The following AGAP1 variants were observed in gnomAD, a reference collection of about 807,000 sequenced individuals.
The protein encoded by AGAP1 is ArfGAP with GTPase domain, ankyrin repeat and PH domain 1, also known as arf-GAP with GTPase, ANK repeat and PH domain-containing protein 1.
AGAP1 carries 29 observed loss-of-function variants against 105.3 expected under a neutral mutation model. That is an observed-to-expected ratio of 0.28 (90% CI 0.21 to 0.38). The LOEUF (loss-of-function observed/expected upper bound fraction) is 0.38, where lower values mean the gene tolerates loss of function less well. AGAP1 is among the 10% of genes least tolerant of loss of function. The pLI, the probability that AGAP1 is intolerant of heterozygous loss-of-function variation, is 1.00. For missense variants in AGAP1, 998 were observed against 1,165.1 expected, an observed-to-expected ratio of 0.86 and a Z score of 2.09; for synonymous variants, 509 against 485.9, an observed-to-expected ratio of 1.05 and a Z score of -0.63.
At chr2:236,052,268 C>G (rs761061109) in intron 16 of AGAP1, among the ~76,000 whole-genome samples, 28 of 152,198 alleles carry the variant, frequency 1.8e-4, no homozygotes, top group South Asian at 1.5e-3. Context: ...GCAGAAGATT[C>G]ATTCTGACAG....
At chr2:236,086,382 G>T (rs1289588834) in intron 16 of AGAP1, among the ~76,000 whole-genome samples, 1 of 152,152 alleles carries the variant, frequency 6.6e-6, no homozygotes, top group African/African-American at 2.4e-5. Context: ...TCACCTTACT[G>T]CTCAAGTGTA....
At chr2:235,948,025 C>T (rs1302086016) in intron 12 of AGAP1, among the ~76,000 whole-genome samples, 5 of 152,224 alleles carry the variant, frequency 3.3e-5, no homozygotes, top group African/African-American at 1.2e-4. Context: ...CCCTGTGTGC[C>T]CACCTGAATG....
chr2:236,024,031 TTTG>T (rs1283210025), intron 13 of AGAP1, among the ~76,000 whole-genome samples: 8 of 115,332 alleles, frequency 6.9e-5, no homozygotes, highest in South Asian at 8.3e-4. Context: ...GTTTTTTTTT[TTTG>T]TTTTTTTTTT....
intron 1 of AGAP1, among the ~76,000 whole-genome samples, chr2:235,564,631 GGGCCAGGTGTGAGCCTGGACCAC>G (rs1944281176): frequency 9.5e-6 from 1 of 105,258 alleles, no homozygotes; most frequent in Non-Finnish European, 1.9e-5. Flanking sequence ...CCACCACCCA[GGGCCAGGTGTGAGCCTGGACCAC>G]CACCCAGGGC....
At chr2:235,870,530 G>A (rs1391484528) in intron 9 of AGAP1, among the ~76,000 whole-genome samples, 1 of 152,128 alleles carries the variant, frequency 6.6e-6, no homozygotes, top group African/African-American at 2.4e-5. Flanking sequence ...GGAGGCTGAG[G>A]CAGGAGAATC....
At chr2:235,826,332 T>TGA (rs1374801571) in intron 9 of AGAP1, among the ~76,000 whole-genome samples, 1 of 152,260 alleles carries the variant, frequency 6.6e-6, no homozygotes, top group African/African-American at 2.4e-5. Context: ...ATACAGGGCC[T>TGA]GAGCAGGGAT....
At chr2:236,117,888 A>G (rs955054291) in intron 16 of AGAP1, among the ~76,000 whole-genome samples, 25 of 151,884 alleles carry the variant, frequency 1.6e-4, no homozygotes, top group African/African-American at 6.1e-4. Flanking sequence ...TTTTTGCCCG[A>G]GTGGGGTGCA....
intron 9 of AGAP1, among the ~76,000 whole-genome samples, chr2:235,850,393 C>T (rs973660136): frequency 2.6e-5 from 4 of 152,244 alleles, no homozygotes; most frequent in African/African-American, 9.6e-5. Flanking sequence ...GGAGCCATCT[C>T]CCCTGGGGCA....
chr2:235,960,635 G>A lies in AGAP1; in HGVS notation c.1484-7827G>A, dbSNP rs1287467685. The stretch of plus-strand genomic sequence containing the variant: ...TCTTTGTTCAGGTAGCAGGGCCCAA[G>A]AAAAATCGTCTTTTATGGAAGGCAT... On this transcript the variant is annotated intron_variant, in intron 12 of 17. Coordinates refer to ENST00000304032, the MANE Select transcript of AGAP1 (RefSeq NM_001037131.3). The surrounding 1 kb of genome is among the most constrained non-coding windows in gnomAD (Gnocchi z 4.9). Among the ~76,000 whole-genome samples the A allele has an allele frequency of 6.6e-6, 1 of 152,156 alleles. No individual in the cohort carries two copies. The highest frequency in any genetic ancestry group is 1.5e-5 in the Non-Finnish European group (1 of 68,010).
chr2:235,715,457 C>G (rs1411580582), intron 2 of AGAP1, among the ~76,000 whole-genome samples: 1 of 152,076 alleles, frequency 6.6e-6, no homozygotes, highest in Admixed American at 6.5e-5. Flanking sequence ...TGAAGCCCTC[C>G]TCAGGTGAAA....
At position 236,038,750 on chromosome 2, in the gene AGAP1, C is replaced by T. The variant is rs966236355; in HGVS notation, c.1801-2001C>T. 6.6e-6 allele frequency among the ~76,000 whole-genome samples: 1 copy of T among 152,068 alleles called. No individual in the cohort carries two copies. Among genetic ancestry groups the T allele is most frequent in the African/African-American group, 2.4e-5 (1 of 41,400 alleles). On this transcript the variant is annotated intron_variant, in intron 14 of 17. Transcript: ENST00000304032. The surrounding 1 kb of genome is among the most constrained non-coding windows in gnomAD (Gnocchi z 4.5). ...TGATACAGGTATAGGCATAGCTAGA[C>T]AGACAGACAAACCAACCAACCACAG...
intron 1 of AGAP1, among the ~76,000 whole-genome samples, chr2:235,543,639 A>C (rs1943527287): frequency 6.6e-6 from 1 of 152,012 alleles, no homozygotes; most frequent in South Asian, 2.1e-4. Flanking sequence ...TGCTTGGGAG[A>C]GCAGTGAGGG....
intron 9 of AGAP1, among the ~76,000 whole-genome samples, chr2:235,815,223 G>GCC (rs1958384524): frequency 6.6e-6 from 1 of 152,134 alleles, no homozygotes; most frequent in African/African-American, 2.4e-5. Context: ...CAGCCTGGGC[G>GCC]GCTTAAACAG....
intron 13 of AGAP1, among the ~76,000 whole-genome samples, chr2:235,978,597 TG>T (rs1377988668): frequency 6.6e-6 from 1 of 152,238 alleles, no homozygotes; most frequent in African/African-American, 2.4e-5. Flanking sequence ...GGCCAGTAGA[TG>T]AGTGGCCTCT....
rs1398136261 is a variant in AGAP1 at position 236,128,276 on chromosome 2, C to G, written c.*4154C>G. On this transcript the variant is annotated 3_prime_UTR_variant, in exon 18 of 18. Coordinates refer to ENST00000304032, the MANE Select transcript of AGAP1 (RefSeq NM_001037131.3). The surrounding 1 kb of genome is among the most constrained non-coding windows in gnomAD (Gnocchi z 5.9). ...GGCGAGGAAGGGGCTGAGTTCTGCCCTCGTGCTGTTCGCTGGTGCTGATCA... is the reference window on the plus strand; with the variant it reads ...GGCGAGGAAGGGGCTGAGTTCTGCCGTCGTGCTGTTCGCTGGTGCTGATCA... The G allele has an allele frequency of 6.6e-6, 1 of 152,500 alleles. No individual in the cohort carries two copies. The highest frequency in any genetic ancestry group is 2.4e-5 in the African/African-American group (1 of 41,466). The allele number at this position is 152,500 out of a possible 1,614,324, so 9.4% of individuals were successfully genotyped here.
Position 236,069,172 on chromosome 2 carries a change from A to G in AGAP1, c.2114+19891A>G, listed in dbSNP as rs372732880. On this transcript the variant is annotated intron_variant, in intron 16 of 17. Transcript: ENST00000304032. The stretch of plus-strand genomic sequence containing the variant: ...ATTTTAAATAAAGCAAAAATTCAAA[A>G]TAGGCAATTAAATAAATTATTACTT... 3.2e-4 allele frequency among the ~76,000 whole-genome samples: 49 copies of G among 152,262 alleles called. 3 individuals carry two copies. The East Asian group carries it at 7.7e-3, about 24-fold the overall frequency.
chr2:235,746,427 G>A lies in AGAP1; in HGVS notation c.538+1588G>A, dbSNP rs186222576. On this transcript the variant is annotated intron_variant, in intron 5 of 17. Transcript: ENST00000304032. ...TTTTTTTTTTAAAGCGTACGTGGTCGCTCTCACTCCTGAAACCTTCAGAGC... is the reference window on the plus strand; with the variant it reads ...TTTTTTTTTTAAAGCGTACGTGGTCACTCTCACTCCTGAAACCTTCAGAGC... 8.3e-4 allele frequency among the ~76,000 whole-genome samples: 81 copies of A among 97,644 alleles called. 1 individual carries two copies. The highest frequency in any genetic ancestry group is 3.0e-3 in the African/African-American group (73 of 24,618). The allele number at this position is 97,644 out of a possible 152,430, so 64.1% of individuals were successfully genotyped here. A position where few individuals can be genotyped will look rare whatever the true frequency, so the allele number is the denominator to read the frequency against.
rs776505497 is a variant in AGAP1, at chr2:235,968,482, G to T, written c.1504G>T (p.Val502Leu). 9.4e-6 allele frequency: 15 copies of T among 1,601,048 alleles called. No homozygotes were observed. The highest frequency in any genetic ancestry group is 1.1e-5 in the Non-Finnish European group (13 of 1,175,888). ...ISSDTGLGDSVCSSPSISSTT... is the reference protein window; with the variant it reads ...ISSDTGLGDSLCSSPSISSTT... ...GGCAGACACAGGGCTGGGTGACTCCGTATGCTCCAGCCCCAGTATCTCCAG... is the reference window on the plus strand; with the variant it reads ...GGCAGACACAGGGCTGGGTGACTCCTTATGCTCCAGCCCCAGTATCTCCAG... Residue 502 changes from valine (V) to leucine (L), a missense_variant, in exon 13 of 18, where the codon GTA becomes TTA. Around this residue, in one of 3 missense-constraint regions of AGAP1, gnomAD observed 735 missense variants for 833.4 expected, o/e 0.88. Coordinates refer to ENST00000304032, the MANE Select transcript of AGAP1 (RefSeq NM_001037131.3).
At chr2:235,656,604 G>A (rs939949985) in intron 1 of AGAP1, among the ~76,000 whole-genome samples, 22 of 152,020 alleles carry the variant, frequency 1.4e-4, no homozygotes, top group African/African-American at 4.8e-4. Flanking sequence ...TTAGCCAATT[G>A]GAATTAGTTT....
Sources: gnomAD v4.1 joint callset for allele counts (sites outside exome capture counted in the v4.1 genomes callset) on GRCh38, gnomAD v4.1.1 for gene constraint, gnomAD v4.1.1 regional missense constraint, Gnocchi (gnomAD v3.1) non-coding constraint, MANE v1.5 for transcripts, NCBI Gene and HGNC (gene_info 2026-07-23, HGNC 2026-07-21) for gene names.